MYCBP2: variants seen among roughly 807,000 people sequenced by gnomAD.
The protein encoded by MYCBP2 is MYC binding protein 2.
A neutral mutation model predicts 525.3 loss-of-function variants in MYCBP2; 120 were observed. The ratio of observed to expected loss-of-function variants is 0.23; its 90% CI spans 0.20 to 0.27. MYCBP2 has a LOEUF of 0.27. Among genes scored for constraint, MYCBP2 ranks in the 10% least tolerant of loss-of-function variants. The pLI is 1.00. For synonymous variants in MYCBP2, 1,894 were observed against 1,955.8 expected (o/e 0.97, Z 0.83); for missense variants, 4,149 against 5,657.1 (o/e 0.73, Z 8.55).
chr13:77,142,097 T>C (rs935482045), intron 49 of MYCBP2, among the ~76,000 whole-genome samples: 1 of 152,208 alleles, frequency 6.6e-6, no homozygotes, highest in East Asian at 1.9e-4. Flanking sequence ...TGAAAAAAAC[T>C]CTATCTACTG....
At chr13:77,286,894 T>C (rs2076896861) in intron 3 of MYCBP2, among the ~76,000 whole-genome samples, 1 of 141,172 alleles carries the variant, frequency 7.1e-6, no homozygotes, top group Middle Eastern at 3.8e-3. Flanking sequence ...TACAGGTTTT[T>C]TGTTTTGGTA....
chr13:77,072,571 C>G (rs2041568728), intron 68 of MYCBP2, among the ~76,000 whole-genome samples: 1 of 151,588 alleles, frequency 6.6e-6, no homozygotes, highest in Non-Finnish European at 1.5e-5. Context: ...TTAAAAGAAG[C>G]AAAAATAGAG....
At position 77,139,341 on chromosome 13, in the gene MYCBP2, A is replaced by G; in HGVS notation, c.7519-5T>C. On this transcript the variant is annotated splice_region_variant and splice_polypyrimidine_tract_variant and intron_variant, in intron 51 of 82. Coordinates refer to ENST00000544440, the MANE Select transcript of MYCBP2 (RefSeq NM_015057.5). Reference sequence around the variant, plus strand: ...CACACCATCATCATTATGGATCTATAGAAAAAAGCAACAGAAACAAGCCAG... The same window carrying G: ...CACACCATCATCATTATGGATCTATGGAAAAAAGCAACAGAAACAAGCCAG... 1 of 1,609,750 alleles carries G rather than the reference A, an allele frequency of 6.2e-7. No individual in the cohort carries two copies. The highest frequency in any genetic ancestry group is 8.5e-7 in the Non-Finnish European group (1 of 1,177,428).
intron 18 of MYCBP2, among the ~76,000 whole-genome samples, chr13:77,231,448 T>C (rs1172137431): frequency 1.3e-5 from 2 of 152,172 alleles, no homozygotes; most frequent in African/African-American, 2.4e-5. Flanking sequence ...GGTTTCGCCA[T>C]GTTAGCCAGG....
At chr13:77,151,030 A>G in intron 46 of MYCBP2, 81 bp from the exon 47 acceptor site, 1 of 1,116,144 alleles carries the variant, frequency 9.0e-7, no homozygotes, top group Non-Finnish European at 1.3e-6. Context: ...ACTATTATAA[A>G]CTCATAATTA....
At chr13:77,305,062 A>C (rs2079239178) in intron 1 of MYCBP2, among the ~76,000 whole-genome samples, 1 of 152,092 alleles carries the variant, frequency 6.6e-6, no homozygotes, top group Non-Finnish European at 1.5e-5. Flanking sequence ...TTGTTGGTGA[A>C]TTCTTCCAAA....
intron 55 of MYCBP2, chr13:77,103,257 CA>C (rs2047348004): frequency 2.5e-6 from 1 of 397,756 alleles, no homozygotes; most frequent in Non-Finnish European, 4.4e-6. Context: ...GGCCCAGCTA[CA>C]CCATAATTTT....
intron 22 of MYCBP2, 77 bp downstream of exon 22, chr13:77,211,879 T>G (rs1593953095): frequency 2.5e-6 from 3 of 1,177,054 alleles, no homozygotes; most frequent in Middle Eastern, 5.5e-4. Context: ...GTACATTTCA[T>G]TAAAGGGAAA....
At chr13:77,208,009 CTA>C in intron 23 of MYCBP2, among the ~76,000 whole-genome samples, 1 of 142,828 alleles carries the variant, frequency 7.0e-6, no homozygotes, top group Non-Finnish European at 1.5e-5. Context: ...TTCCTCTACT[CTA>C]TGTTTACTTT....
chr13:77,066,403 T>C (rs1353581021), intron 71 of MYCBP2, among the ~76,000 whole-genome samples: 2 of 152,232 alleles, frequency 1.3e-5, no homozygotes, highest in Non-Finnish European at 2.9e-5. Context: ...AACCGGAATA[T>C]AAATTCACTG....
chr13:77,326,790 C>T lies in MYCBP2; in HGVS notation c.-15G>A. 2 of 1,401,114 alleles carry T rather than the reference C, an allele frequency of 1.4e-6. No individual in the cohort carries two copies. The highest frequency in any genetic ancestry group is 9.2e-7 in the Non-Finnish European group (1 of 1,090,562). 86.8% of individuals were successfully genotyped at this position (1,401,114 alleles called of 1,614,324 possible). A position where few individuals can be genotyped will look rare whatever the true frequency, so the allele number is the denominator to read the frequency against. ...CACATCATCATCCTCGCCGCCGCCGCCGCCGCCGCCGCCTCGTCCCCGCGG... is the reference window on the plus strand; with the variant it reads ...CACATCATCATCCTCGCCGCCGCCGTCGCCGCCGCCGCCTCGTCCCCGCGG... On this transcript the variant is annotated 5_prime_UTR_variant, in exon 1 of 83. Transcript: ENST00000544440. This position sits in a 1 kb window ranked among gnomAD's most constrained non-coding sequence, Gnocchi z 4.2.
chr13:77,090,062 T>C, intron 60 of MYCBP2, 44 bp downstream of exon 60: 1 of 1,498,532 alleles, frequency 6.7e-7, no homozygotes, highest in Non-Finnish European at 8.9e-7. Flanking sequence ...TTTTTATTTG[T>C]AGTAGTCAGA....
chr13:77,243,788 A>G lies in MYCBP2; in HGVS notation c.2527+18T>C. The G allele has an allele frequency of 6.2e-7, 1 of 1,611,584 alleles. No individual in the cohort carries two copies. The highest frequency in any genetic ancestry group is 2.2e-5 in the East Asian group (1 of 44,824). On this transcript the variant is annotated intron_variant, in intron 16 of 82. Transcript: ENST00000544440. ...TGAGGACAACTCAGTGTAGCATAGTATAATCAATCAAAATTACCTAAAAGA... is the reference window on the plus strand; with the variant it reads ...TGAGGACAACTCAGTGTAGCATAGTGTAATCAATCAAAATTACCTAAAAGA...
intron 23 of MYCBP2, among the ~76,000 whole-genome samples, chr13:77,209,259 T>C (rs1399678191): frequency 6.6e-6 from 1 of 152,230 alleles, no homozygotes; most frequent in African/African-American, 2.4e-5. Flanking sequence ...GAGAGTTCTG[T>C]TAAGACCCCA....
At chr13:77,250,172 G>A (rs952845443) in intron 15 of MYCBP2, among the ~76,000 whole-genome samples, 7 of 148,562 alleles carry the variant, frequency 4.7e-5, no homozygotes, top group African/African-American at 9.9e-5. Context: ...GCAGTGAGCC[G>A]AGATCCCGCC....
intron 5 of MYCBP2, 88 bp from the exon 6 acceptor site, chr13:77,270,626 CATAAGACA>C: frequency 7.8e-7 from 1 of 1,278,660 alleles, no homozygotes; most frequent in Admixed American, 2.7e-5. Flanking sequence ...CATCATCATT[CATAAGACA>C]ATAAATTGTT....
chr13:77,061,071 A>ATT, intron 76 of MYCBP2, 98 bp downstream of exon 76: 1 of 1,270,720 alleles, frequency 7.9e-7, no homozygotes, highest in Non-Finnish European at 1.1e-6. Context: ...ATTAAACATC[A>ATT]GAATATCACT....
intron 21 of MYCBP2, among the ~76,000 whole-genome samples, chr13:77,213,464 T>A (rs2031805): frequency 6.6e-6 from 1 of 152,024 alleles, no homozygotes; most frequent in Non-Finnish European, 1.5e-5. Context: ...GATGACAGAG[T>A]GAGGCTCTGT....
chr13:77,104,350 C>T (rs2047537668), intron 55 of MYCBP2, among the ~76,000 whole-genome samples: 1 of 152,040 alleles, frequency 6.6e-6, no homozygotes, highest in Non-Finnish European at 1.5e-5. Context: ...GTGTTAGATA[C>T]TGTTCTATGC....
Sources: gnomAD v4.1 joint callset for allele counts (sites outside exome capture counted in the v4.1 genomes callset) on GRCh38, gnomAD v4.1.1 for gene constraint, Gnocchi (gnomAD v3.1) non-coding constraint, MANE v1.5 for transcripts, NCBI Gene and HGNC (gene_info 2026-07-23, HGNC 2026-07-21) for gene names.